The following VLDLR variants were observed in gnomAD, a reference collection of about 807,000 sequenced individuals.
VLDLR encodes very low-density lipoprotein receptor.
VLDLR carries 81 observed loss-of-function variants against 112.7 expected under a neutral mutation model. The observed-to-expected ratio is 0.72, with a 90% CI of 0.60 to 0.86. The LOEUF is 0.86. VLDLR is among the 40% of genes least tolerant of loss of function. VLDLR has a pLI of 0.00. For synonymous variants in VLDLR, 436 were observed against 384.8 expected (o/e 1.13, Z -1.56); for missense variants, 1,237 against 1,099.4 (o/e 1.13, Z -1.77).
At chr9:2,643,047 G>A (rs1817892598) in intron 4 of VLDLR, 113 bp from the exon 5 acceptor site, 1 of 1,507,252 alleles carries the variant, frequency 6.6e-7, no homozygotes, top group Non-Finnish European at 9.1e-7. Context: ...CCTTTAAGTT[G>A]GGCTAGTAAG....
At chr9:2,636,424 G>C (rs909884374) in intron 2 of VLDLR, among the ~76,000 whole-genome samples, 1 of 152,216 alleles carries the variant, frequency 6.6e-6, no homozygotes, top group African/African-American at 2.4e-5. Context: ...GAGTCTAAAT[G>C]TAGGTTTCAT....
chr9:2,646,613 C>G, intron 11 of VLDLR, 61 bp downstream of exon 11: 3 of 1,460,896 alleles, frequency 2.1e-6, no homozygotes, highest in Non-Finnish European at 2.9e-6. Context: ...CAGGAGCTTT[C>G]TCATACCTGA....
intron 1 of VLDLR, among the ~76,000 whole-genome samples, chr9:2,628,615 A>C (rs997132659): frequency 3.3e-5 from 5 of 152,188 alleles, no homozygotes; most frequent in Non-Finnish European, 4.4e-5. Flanking sequence ...CCTGGAGGCA[A>C]AGGAACAAGA....
intron 16 of VLDLR, among the ~76,000 whole-genome samples, 187 bp downstream of exon 16, chr9:2,651,685 A>G (rs1055356113): frequency 4.6e-5 from 7 of 152,206 alleles, no homozygotes; most frequent in African/African-American, 1.7e-4. Context: ...CTAGTAGAGA[A>G]CTGTCAGTGA....
intron 2 of VLDLR, among the ~76,000 whole-genome samples, chr9:2,636,848 C>G (rs1241029247): frequency 6.6e-6 from 1 of 152,076 alleles, no homozygotes; most frequent in Non-Finnish European, 1.5e-5. Context: ...AATTTTTTTT[C>G]CTCTCTTCTA....
chr9:2,645,710 A>G lies in VLDLR; in HGVS notation c.1449A>G (p.Leu483=), dbSNP rs755417220. The G allele has an allele frequency of 2.5e-6, 4 of 1,614,150 alleles. No homozygotes were observed. The highest frequency in any genetic ancestry group is 1.1e-5 in the South Asian group (1 of 91,076). The change falls in exon 10 of 19, where the codon CTA becomes CTG. Residue 483 remains leucine, a synonymous_variant. Transcript: ENST00000382100. ...ATGCTGACATTGCTGCCCAGAAACT[A>G]TTCTGGGCCGATCTAAGCCAAAAGG... is the stretch of plus-strand genomic sequence containing the variant. ...ALDADIAAQK[L]FWADLSQKAI... is the part of the protein sequence containing the mutation.
At chr9:2,647,926 T>C (rs1238732402) in intron 12 of VLDLR, among the ~76,000 whole-genome samples, 1 of 152,236 alleles carries the variant, frequency 6.6e-6, no homozygotes, top group Non-Finnish European at 1.5e-5. Context: ...TTCTGGCTTT[T>C]TGGAGGAGAA....
intron 1 of VLDLR, among the ~76,000 whole-genome samples, chr9:2,628,060 A>G (rs753458473): frequency 2.0e-5 from 3 of 152,170 alleles, no homozygotes; most frequent in Non-Finnish European, 4.4e-5. Context: ...CAGCTTTATT[A>G]GTAAACTAAT....
chr9:2,652,948 C>T lies in VLDLR; in HGVS notation c.2585C>T (p.Ala862Val), dbSNP rs1818421358. The T allele has an allele frequency of 6.2e-7, 1 of 1,614,010 alleles. No individual in the cohort carries two copies. The highest frequency in any genetic ancestry group is 2.2e-5 in the East Asian group (1 of 44,878). ...HSASVGHTYPAISVVSTDDDL... is the reference protein window; with the variant it reads ...HSASVGHTYPVISVVSTDDDL... The stretch of plus-strand genomic sequence containing the variant: ...GCTTCTGTTGGACACACGTACCCAG[C>T]AGTAAGTCAGCTTTGTGTCTTTATA... Residue 862 changes from alanine to valine, a missense_variant and splice_region_variant, in exon 18 of 19, where the codon GCA becomes GTA. Ala to Val is a moderately conservative substitution (Grantham distance 64). Transcript: ENST00000382100.
At position 2,625,320 on chromosome 9, in the gene VLDLR, T is replaced by C. The variant is rs190887786; in HGVS notation, c.82+3049T>C. Among the ~76,000 whole-genome samples the C allele has an allele frequency of 2.3e-3, 356 of 152,340 alleles. 1 individual carries two copies. Among genetic ancestry groups the C allele is most frequent in the African/African-American group, 8.1e-3 (335 of 41,584 alleles). On this transcript the variant is annotated intron_variant, in intron 1 of 18. Coordinates refer to ENST00000382100, the MANE Select transcript of VLDLR (RefSeq NM_003383.5). The stretch of plus-strand genomic sequence containing the variant: ...ACACATAGTACCCAGCCGTGTGGCT[T>C]CGGGTTTTGATCCCAAACCTTGAAG...
At position 2,648,804 on chromosome 9, in the gene VLDLR, C is replaced by G; in HGVS notation, c.2098C>G (p.Pro700Ala). The change falls in exon 14 of 19, where the codon CCA (proline) becomes GCA (alanine). Residue 700 changes from proline (P) to alanine (A), a missense_variant. By Grantham distance (27) the Pro-to-Ala change is conservative. Coordinates refer to ENST00000382100, the MANE Select transcript of VLDLR (RefSeq NM_003383.5). ...DIIVYHELVQ[P>A]SGKNWCEEDM... Reference sequence around the variant, plus strand: ...CATTGTCTATCATGAACTTGTACAGCCATCAGGTACCGTGGAGAAGCACAG... The same window carrying G: ...CATTGTCTATCATGAACTTGTACAGGCATCAGGTACCGTGGAGAAGCACAG... 6.2e-7 allele frequency: 1 copy of G among 1,614,146 alleles called. No individual in the cohort carries two copies. Among genetic ancestry groups the G allele is most frequent in the Non-Finnish European group, 8.5e-7 (1 of 1,180,022 alleles).
chr9:2,641,086 A>G (rs769502198), intron 3 of VLDLR, among the ~76,000 whole-genome samples: 2 of 152,202 alleles, frequency 1.3e-5, no homozygotes, highest in Non-Finnish European at 2.9e-5. Context: ...CAGGCCAGCC[A>G]ATAAACTTCA....
chr9:2,633,275 G>C (rs1436870607), intron 1 of VLDLR, among the ~76,000 whole-genome samples: 1 of 152,150 alleles, frequency 6.6e-6, no homozygotes, highest in Non-Finnish European at 1.5e-5. Flanking sequence ...GAGCTGCTAG[G>C]ATTTTAATAG....
intron 2 of VLDLR, among the ~76,000 whole-genome samples, chr9:2,637,610 G>A (rs923522692): frequency 6.6e-6 from 1 of 150,794 alleles, no homozygotes; most frequent in African/African-American, 2.4e-5. Context: ...GTGGTATACA[G>A]CCAATCTTTC....
At chr9:2,632,959 G>A (rs186625676) in intron 1 of VLDLR, among the ~76,000 whole-genome samples, 1 of 150,646 alleles carries the variant, frequency 6.6e-6, no homozygotes, top group African/African-American at 2.4e-5. Context: ...CCACCCCAAT[G>A]TCATTCTTTT....
chr9:2,630,701 TAGA>T (rs775923608), intron 1 of VLDLR, among the ~76,000 whole-genome samples: 20 of 152,198 alleles, frequency 1.3e-4, no homozygotes, highest in Non-Finnish European at 2.4e-4. Flanking sequence ...CAGGGAAAAT[TAGA>T]CAATGGCGGC....
At chr9:2,651,562 C>G in intron 16 of VLDLR, 64 bp downstream of exon 16, 1 of 1,409,128 alleles carries the variant, frequency 7.1e-7, no homozygotes, top group Middle Eastern at 1.8e-4. Flanking sequence ...GTATCTACAG[C>G]TTAAATAATT....
rs901726595 is a variant in VLDLR at position 2,643,768 on chromosome 9, T to A, written c.943+18T>A. 2 of 1,614,052 alleles carry A rather than the reference T, an allele frequency of 1.2e-6. No homozygotes were observed. The highest frequency in any genetic ancestry group is 2.2e-5 in the East Asian group (1 of 44,898). On this transcript the variant is annotated intron_variant, in intron 6 of 18. Coordinates refer to ENST00000382100, the MANE Select transcript of VLDLR (RefSeq NM_003383.5). ...CAAAAATGGTAAGGGTTTCTTCTTG[T>A]TGGTTAAGCAATGGATTGCTCTGAC...
rs35023645 is a variant in VLDLR, at chr9:2,650,572, G to C, written c.2251+56G>C. 139 of 1,605,126 alleles carry C rather than the reference G, an allele frequency of 8.7e-5. 1 individual carries two copies. In the African/African-American group the frequency reaches 1.6e-3, roughly 19 times the overall value. The stretch of plus-strand genomic sequence containing the variant: ...GAACCTACAACAAGCAATATAATAA[G>C]ACACAAGCTTGGATTTTTAAGAATT... On this transcript the variant is annotated intron_variant, in intron 15 of 18. Coordinates refer to ENST00000382100, the MANE Select transcript of VLDLR (RefSeq NM_003383.5).
Sources: allele counts gnomAD v4.1 joint callset (sites outside exome capture counted in the v4.1 genomes callset), GRCh38; gene constraint gnomAD v4.1.1; transcripts MANE v1.5; gene names NCBI Gene and HGNC (gene_info 2026-07-23, HGNC 2026-07-21).